PUS10: variants seen among roughly 807,000 people sequenced by gnomAD.
PUS10 encodes the protein tRNA pseudouridine synthase Pus10.
Under a neutral mutation model 75.0 loss-of-function variants are expected in PUS10, and 59 were observed. That is an observed-to-expected ratio of 0.79 (90% CI 0.64 to 0.98). The LOEUF (loss-of-function observed/expected upper bound fraction) is 0.98. Among genes scored for constraint, PUS10 ranks in the 50% least tolerant of loss-of-function variants. The pLI, the probability that PUS10 is intolerant of heterozygous loss-of-function variation, is 0.00. For missense variants in PUS10, 650 were observed against 614.4 expected, an observed-to-expected ratio of 1.06 and a Z score of -0.61; for synonymous variants, 219 against 211.6, an observed-to-expected ratio of 1.03 and a Z score of -0.30.
chr2:60,993,368 A>C (rs1035488809), intron 4 of PUS10, among the ~76,000 whole-genome samples: 2 of 152,100 alleles, frequency 1.3e-5, no homozygotes, highest in African/African-American at 4.8e-5. Context: ...GAGGCAGAAG[A>C]ATCACTTGAA....
intron 4 of PUS10, among the ~76,000 whole-genome samples, chr2:60,973,306 C>A (rs969706349): frequency 6.6e-6 from 1 of 152,238 alleles, no homozygotes; most frequent in African/African-American, 2.4e-5. Flanking sequence ...TGGAGTCTCA[C>A]CCAACTTGCG....
chr2:60,983,514 C>T lies in PUS10; in HGVS notation c.469-11957G>A, dbSNP rs185546152. On this transcript the variant is annotated intron_variant, in intron 4 of 17. Coordinates refer to ENST00000316752, the MANE Select transcript of PUS10 (RefSeq NM_144709.4). ...ACCAACATGGTGAAACCCCTCTCTA[C>T]TAAAAAATACAAAAAAATTAGCTGA... is the stretch of plus-strand genomic sequence containing the variant. Among the ~76,000 whole-genome samples the T allele has an allele frequency of 2.2e-3, 331 of 151,958 alleles. 1 individual carries two copies. The highest frequency in any genetic ancestry group is 3.4e-3 in the Middle Eastern group (1 of 294).
At chr2:61,016,293 C>G (rs1289010166) in intron 1 of PUS10, among the ~76,000 whole-genome samples, 4 of 152,150 alleles carry the variant, frequency 2.6e-5, no homozygotes, top group African/African-American at 9.7e-5. Context: ...AATAAACGAG[C>G]TATGAATTTA....
At chr2:60,960,715 A>G (rs564430350) in intron 10 of PUS10, among the ~76,000 whole-genome samples, 198 bp from the exon 11 acceptor site, 1 of 152,314 alleles carries the variant, frequency 6.6e-6, no homozygotes, top group East Asian at 1.9e-4. Flanking sequence ...GGTTTAAAGT[A>G]ACAATAAAAT....
intron 4 of PUS10, among the ~76,000 whole-genome samples, chr2:60,995,737 T>A (rs1163593386): frequency 2.0e-5 from 3 of 152,248 alleles, no homozygotes; most frequent in Non-Finnish European, 2.9e-5. Flanking sequence ...TATTTTTTTT[T>A]ATTCTGTTAC....
chr2:61,012,669 CAAA>C (rs770665779), intron 1 of PUS10, among the ~76,000 whole-genome samples: 2 of 117,786 alleles, frequency 1.7e-5, no homozygotes, highest in Non-Finnish European at 3.7e-5. Flanking sequence ...ACTAAAAATA[CAAA>C]AAAAAAAAAA....
chr2:60,992,310 G>A (rs547775145), intron 4 of PUS10, among the ~76,000 whole-genome samples: 2 of 152,032 alleles, frequency 1.3e-5, no homozygotes, highest in African/African-American at 4.8e-5. Flanking sequence ...GCCACTATAC[G>A]CAGCCAGAAG....
intron 15 of PUS10, among the ~76,000 whole-genome samples, chr2:60,950,649 C>G (rs1675280659): frequency 6.6e-6 from 1 of 152,140 alleles, no homozygotes; most frequent in South Asian, 2.1e-4. Flanking sequence ...AAACTCCTGG[C>G]CTCAAGTGAT....
intron 1 of PUS10, chr2:61,017,682 GTCTTACGC>G (rs1199336649): frequency 6.7e-6 from 8 of 1,201,328 alleles, no homozygotes; most frequent in Admixed American, 2.1e-5. Flanking sequence ...TGCCCGTTGT[GTCTTACGC>G]TCCAGGTGCT....
At chr2:60,982,252 A>T (rs868221007) in intron 4 of PUS10, among the ~76,000 whole-genome samples, 35 of 151,680 alleles carry the variant, frequency 2.3e-4, no homozygotes, top group African/African-American at 6.5e-4. Context: ...TTATTTATTT[A>T]TTTTATTTAT....
chr2:61,016,966 A>AG (rs1455043534), intron 1 of PUS10, among the ~76,000 whole-genome samples: 2 of 151,820 alleles, frequency 1.3e-5, no homozygotes, highest in Non-Finnish European at 2.9e-5. Context: ...TGAAAAGTTC[A>AG]TCCCGAGATC....
chr2:60,996,585 A>G (rs1321247803), intron 4 of PUS10, among the ~76,000 whole-genome samples: 1 of 151,804 alleles, frequency 6.6e-6, no homozygotes, highest in African/African-American at 2.4e-5. Flanking sequence ...AGATGTAGAG[A>G]TGGTATGGTT....
chr2:60,944,282 T>C (rs1674805860), intron 17 of PUS10: 2 of 954,130 alleles, frequency 2.1e-6, no homozygotes, highest in Non-Finnish European at 2.5e-6. Flanking sequence ...CTTGAGAGAA[T>C]TGCTGGTAAG....
intron 2 of PUS10, chr2:61,010,863 A>T (rs1389478254): frequency 6.5e-7 from 1 of 1,550,098 alleles, no homozygotes; most frequent in Non-Finnish European, 8.7e-7. Context: ...AGGTTGCTTA[A>T]CCTCTCTGTA....
intron 17 of PUS10, among the ~76,000 whole-genome samples, chr2:60,943,034 C>CAG (rs1553399701): frequency 5.7e-5 from 5 of 87,610 alleles, no homozygotes; most frequent in African/African-American, 8.5e-5. Flanking sequence ...CTATCTATCT[C>CAG]AGAAAAAAAA....
intron 1 of PUS10, 56 bp from the exon 2 acceptor site, chr2:61,011,961 C>A: frequency 7.0e-7 from 1 of 1,419,340 alleles, no homozygotes; most frequent in South Asian, 1.3e-5. Context: ...CTGTCACAGA[C>A]AAGTCATCAT....
At chr2:60,989,780 G>A (rs1055034134) in intron 4 of PUS10, among the ~76,000 whole-genome samples, 1 of 151,802 alleles carries the variant, frequency 6.6e-6, no homozygotes, top group African/African-American at 2.4e-5. Flanking sequence ...CACCATGCCC[G>A]GCTAATTTTT....
intron 4 of PUS10, among the ~76,000 whole-genome samples, chr2:60,979,146 C>T (rs1446777712): frequency 1.4e-5 from 2 of 141,726 alleles, no homozygotes; most frequent in Non-Finnish European, 3.1e-5. Context: ...CATACACATA[C>T]ACATACACAT....
intron 4 of PUS10, among the ~76,000 whole-genome samples, chr2:61,000,672 G>A (rs1385188351): frequency 1.2e-4 from 19 of 152,030 alleles, no homozygotes; most frequent in Non-Finnish European, 1.5e-5. Context: ...TGACCTTTGT[G>A]GCCAACTTTC....
Sources: gnomAD v4.1 joint callset for allele counts (sites outside exome capture counted in the v4.1 genomes callset) on GRCh38, gnomAD v4.1.1 for gene constraint, MANE v1.5 for transcripts, NCBI Gene and HGNC (gene_info 2026-07-23, HGNC 2026-07-21) for gene names.